Variants in CACNA1C observed in about 807,000 individuals in gnomAD.
The protein encoded by CACNA1C is voltage-dependent L-type calcium channel subunit alpha-1C.
In CACNA1C, 30 loss-of-function variants were observed where a neutral mutation model predicts 229.0. That is an observed-to-expected ratio of 0.13 (90% CI 0.10 to 0.18). The LOEUF (loss-of-function observed/expected upper bound fraction) is 0.18, where lower values mean the gene tolerates loss of function less well. CACNA1C is among the 10% of genes least tolerant of loss of function. The pLI is 1.00. For missense variants in CACNA1C, 1,658 were observed against 2,845.0 expected (o/e 0.58, Z 9.49); for synonymous variants, 1,114 against 1,132.5 (o/e 0.98, Z 0.33).
At chr12:2,491,499 A>G (rs991316518) in intron 6 of CACNA1C, among the ~76,000 whole-genome samples, 1 of 150,940 alleles carries the variant, frequency 6.6e-6, no homozygotes, top group Non-Finnish European at 1.5e-5. Context: ...TGAAATTGAC[A>G]GAGAACAAGG....
At chr12:2,567,949 T>C (rs969893811) in intron 13 of CACNA1C, among the ~76,000 whole-genome samples, 155 bp downstream of exon 13, 16 of 152,202 alleles carry the variant, frequency 1.1e-4, no homozygotes, top group African/African-American at 3.9e-4. Context: ...TGTGTTCATT[T>C]AGATGGCACA....
rs1054734742 is a variant in CACNA1C at position 2,546,656 on chromosome 12, A to G, written c.1391-3287A>G. Among the ~76,000 whole-genome samples, 6 of 152,006 alleles carry G rather than the reference A, an allele frequency of 3.9e-5. No homozygotes were observed. The East Asian group carries it at 5.8e-4, about 15-fold the overall frequency. ...TAGTGTCTTCACACTCTTCTGGAGC[A>G]CTCTCCTCTTCAGCTGTAGCCGAGA... On this transcript the variant is annotated intron_variant, in intron 9 of 46. Coordinates refer to ENST00000399655, the MANE Select transcript of CACNA1C (RefSeq NM_000719.7).
chr12:2,434,341 G>A lies in CACNA1C; in HGVS notation c.478-14635G>A, dbSNP rs187688581. ...AGAACCACTAGGGGTTGGGGAAAGG[G>A]ACATTTCTTAAGTATTTCCTATTTA... On this transcript the variant is annotated intron_variant, in intron 3 of 46. Transcript: ENST00000399655. Among the ~76,000 whole-genome samples, 548 of 152,298 alleles carry A rather than the reference G, an allele frequency of 3.6e-3. 3 individuals are homozygous for A. The highest frequency in any genetic ancestry group is 0.017 in the Middle Eastern group (5 of 294).
intron 3 of CACNA1C, chr12:2,217,792 G>A (rs888242992): frequency 2.0e-5 from 3 of 152,166 alleles, no homozygotes; most frequent in African/African-American, 7.2e-5. Flanking sequence ...CACCTGTCAT[G>A]TTCACGATCG....
intron 3 of CACNA1C, among the ~76,000 whole-genome samples, chr12:2,244,784 G>A (rs2154378155): frequency 6.6e-6 from 1 of 152,326 alleles, no homozygotes; most frequent in African/African-American, 2.4e-5. Flanking sequence ...AAAGCACTTG[G>A]GCTGTAAATA....
At chr12:2,247,209 A>T (rs1400001850) in intron 3 of CACNA1C, among the ~76,000 whole-genome samples, 1 of 152,130 alleles carries the variant, frequency 6.6e-6, no homozygotes, top group African/African-American at 2.4e-5. Flanking sequence ...ATGGCCTGTT[A>T]TAACCTTGCT....
At chr12:2,658,695 T>A (rs2095547152) in intron 34 of CACNA1C, among the ~76,000 whole-genome samples, 2 of 152,102 alleles carry the variant, frequency 1.3e-5, no homozygotes, top group South Asian at 4.2e-4. Context: ...AAGAAGGCAT[T>A]GTTATCATAG....
chr12:2,090,829 G>C (rs2070502132), intron 1 of CACNA1C, among the ~76,000 whole-genome samples: 1 of 152,144 alleles, frequency 6.6e-6, no homozygotes. Context: ...GTTTTCCACG[G>C]TGGCTGCTCC....
intron 3 of CACNA1C, among the ~76,000 whole-genome samples, chr12:2,363,780 T>C (rs188735595): frequency 8.3e-4 from 126 of 152,224 alleles, no homozygotes; most frequent in Non-Finnish European, 1.5e-3. Context: ...GATAATGGTG[T>C]GTATTAAGGT....
intron 3 of CACNA1C, among the ~76,000 whole-genome samples, chr12:2,135,556 G>A (rs11611901): frequency 0.37 from 46,579 of 125,896 alleles, 13,056 homozygotes; most frequent in East Asian, 0.53. Flanking sequence ...GTCTGTTGGA[G>A]TACCCTGCTG....
chr12:2,095,057 G>A (rs1595696029), intron 1 of CACNA1C, among the ~76,000 whole-genome samples: 1 of 152,148 alleles, frequency 6.6e-6, no homozygotes, highest in East Asian at 1.9e-4. Flanking sequence ...TAAGTTGCCC[G>A]GGCTCACAGG....
intron 1 of CACNA1C, among the ~76,000 whole-genome samples, chr12:2,086,368 T>A (rs1407064543): frequency 6.6e-6 from 1 of 152,252 alleles, no homozygotes; most frequent in East Asian, 1.9e-4. Context: ...ACTGGCCATA[T>A]AATTCCATTC....
chr12:2,666,577 C>T lies in CACNA1C; in HGVS notation c.4527-109C>T, dbSNP rs1258814860. 3.1e-6 allele frequency: 2 copies of T among 654,046 alleles called. No homozygotes were observed. Among genetic ancestry groups the T allele is most frequent in the Non-Finnish European group, 5.6e-6 (2 of 359,024 alleles). The allele number at this position is 654,046 out of a possible 1,614,324, so 40.5% of individuals were successfully genotyped here. On this transcript the variant is annotated intron_variant, in intron 36 of 46. Coordinates refer to ENST00000399655, the MANE Select transcript of CACNA1C (RefSeq NM_000719.7). The surrounding 1 kb of genome is among the most constrained non-coding windows in gnomAD (Gnocchi z 5.3). ...TGACTAATAGGGCTACCACACTGTGCAGTGTTGCCCATATGAGTGGGCCCT... is the reference window on the plus strand; with the variant it reads ...TGACTAATAGGGCTACCACACTGTGTAGTGTTGCCCATATGAGTGGGCCCT...
chr12:2,589,626 T>C (rs1350304286), intron 18 of CACNA1C, among the ~76,000 whole-genome samples: 3 of 145,042 alleles, frequency 2.1e-5, no homozygotes, highest in Non-Finnish European at 4.7e-5. Context: ...TCCAGTGCCC[T>C]AGAGGGCCAC....
At chr12:2,427,063 T>C (rs1460450752) in intron 3 of CACNA1C, among the ~76,000 whole-genome samples, 1 of 152,204 alleles carries the variant, frequency 6.6e-6, no homozygotes, top group African/African-American at 2.4e-5. Flanking sequence ...CTTCCACAGA[T>C]GGGTTGGTTG....
chr12:2,188,123 G>C (rs2097100677), intron 3 of CACNA1C, among the ~76,000 whole-genome samples: 1 of 152,212 alleles, frequency 6.6e-6, no homozygotes, highest in Non-Finnish European at 1.5e-5. Flanking sequence ...CACATGGACT[G>C]GTAAGTGGTA....
chr12:2,322,251 C>T (rs1028470521), intron 3 of CACNA1C, among the ~76,000 whole-genome samples: 1 of 152,210 alleles, frequency 6.6e-6, no homozygotes, highest in Non-Finnish European at 1.5e-5. Context: ...GGCTGAATCA[C>T]AGGGGCACTG....
At chr12:2,156,771 C>T (rs763271537) in intron 3 of CACNA1C, among the ~76,000 whole-genome samples, 4 of 152,216 alleles carry the variant, frequency 2.6e-5, no homozygotes, top group Non-Finnish European at 4.4e-5. Context: ...GGGTGGTCTT[C>T]AGCACCCTTT....
At chr12:2,443,089 A>G (rs2099244512) in intron 3 of CACNA1C, among the ~76,000 whole-genome samples, 1 of 152,160 alleles carries the variant, frequency 6.6e-6, no homozygotes, top group Admixed American at 6.5e-5. Context: ...ATTAACTCAA[A>G]AGTCCAAAGA....
Sources: gnomAD v4.1 joint callset for allele counts (sites outside exome capture counted in the v4.1 genomes callset) on GRCh38, gnomAD v4.1.1 for gene constraint, Gnocchi (gnomAD v3.1) non-coding constraint, MANE v1.5 for transcripts, NCBI Gene and HGNC (gene_info 2026-07-23, HGNC 2026-07-21) for gene names.